SAMD12: variants seen among roughly 807,000 people sequenced by gnomAD.
SAMD12 encodes sterile alpha motif domain-containing protein 12.
Under a neutral mutation model 15.0 loss-of-function variants are expected in SAMD12, and 9 were observed. That is an observed-to-expected ratio of 0.60 (90% CI 0.36 to 1.05). The LOEUF (loss-of-function observed/expected upper bound fraction) is 1.05. Among genes scored for constraint, SAMD12 ranks in the 50% least tolerant of loss-of-function variants. SAMD12 has a pLI of 0.01. For missense variants in SAMD12, 230 were observed against 234.2 expected, an observed-to-expected ratio of 0.98 and a Z score of 0.12; for synonymous variants, 86 against 90.1, an observed-to-expected ratio of 0.96 and a Z score of 0.25.
At chr8:118,188,774 A>AT (rs34305004), downstream of SAMD12, among the ~76,000 whole-genome samples, 15,207 of 149,934 alleles carry the variant, frequency 0.1, 1,564 homozygotes, top group African/African-American at 0.26. Flanking sequence ...TATTCAGGGG[A>AT]TTTTTTTTTT....
intron 4 of SAMD12, among the ~76,000 whole-genome samples, chr8:118,283,649 G>A (rs1030607000): frequency 6.6e-6 from 1 of 152,252 alleles, no homozygotes; most frequent in African/African-American, 2.4e-5. Flanking sequence ...CCAGGGAAGG[G>A]AGATCCATCC....
intron 4 of SAMD12, among the ~76,000 whole-genome samples, chr8:118,207,039 T>C (rs992992868): frequency 6.6e-6 from 1 of 152,226 alleles, no homozygotes; most frequent in African/African-American, 2.4e-5. Context: ...TTTTCAAGTA[T>C]GGGCAGAATT....
chr8:118,162,312 C>A, the SAMD12 span, among the ~76,000 whole-genome samples: 6 of 148,980 alleles, frequency 4.0e-5, no homozygotes, highest in African/African-American at 1.2e-4. Context: ...AAATTACATA[C>A]TTTAAGTGCA....
the SAMD12 span, among the ~76,000 whole-genome samples, chr8:118,151,178 T>C: frequency 6.6e-6 from 1 of 152,172 alleles, no homozygotes; most frequent in African/African-American, 2.4e-5. Context: ...GTATGAGTCT[T>C]TTTTTTCTCT....
chr8:118,291,669 G>C (rs1048236388), intron 4 of SAMD12, among the ~76,000 whole-genome samples: 7 of 151,644 alleles, frequency 4.6e-5, no homozygotes, highest in Non-Finnish European at 7.4e-5. Context: ...TTATTATTTA[G>C]TTCGCAGAAA....
chr8:118,142,057 T>G, the SAMD12 span, among the ~76,000 whole-genome samples: 22,080 of 152,136 alleles, frequency 0.15, 1,731 homozygotes, highest in African/African-American at 0.2. Context: ...TGGCCCCAAC[T>G]AGAGATTCTC....
chr8:118,163,692 G>A, the SAMD12 span, among the ~76,000 whole-genome samples: 2 of 151,966 alleles, frequency 1.3e-5, no homozygotes, highest in African/African-American at 2.4e-5. Flanking sequence ...TGGCTAACAC[G>A]GTGAAACCCC....
chr8:118,220,789 C>T (rs1383781849), intron 4 of SAMD12, among the ~76,000 whole-genome samples: 1 of 152,122 alleles, frequency 6.6e-6, no homozygotes, highest in African/African-American at 2.4e-5. Context: ...AAATAAAAAA[C>T]AAACACATCA....
At chr8:118,415,273 AT>A (rs1317323265) in intron 3 of SAMD12, among the ~76,000 whole-genome samples, 1 of 152,180 alleles carries the variant, frequency 6.6e-6, no homozygotes, top group African/African-American at 2.4e-5. Flanking sequence ...TTACAAAAGT[AT>A]TTTTTGCTTC....
At chr8:118,176,851 T>C in the SAMD12 span, among the ~76,000 whole-genome samples, 1 of 152,206 alleles carries the variant, frequency 6.6e-6, no homozygotes, top group Non-Finnish European at 1.5e-5. Flanking sequence ...GTATTTAACA[T>C]GGAATGAAAT....
the SAMD12 span, among the ~76,000 whole-genome samples, chr8:118,180,771 A>AAAATCCTG: frequency 5.6e-3 from 850 of 152,252 alleles, 6 homozygotes; most frequent in Middle Eastern, 0.01. Context: ...CAAGTTGCCC[A>AAAATCCTG]GACTTGCTCA....
intron 4 of SAMD12, among the ~76,000 whole-genome samples, chr8:118,281,075 T>C (rs992297675): frequency 1.3e-5 from 2 of 150,402 alleles, no homozygotes; most frequent in Non-Finnish European, 3.0e-5. Context: ...CAGCTAGTTG[T>C]ACTAGCAAGG....
the SAMD12 span, among the ~76,000 whole-genome samples, chr8:118,162,773 T>TGGAGACAATGGTTGGTAAATTATGA: frequency 2.0e-5 from 3 of 151,928 alleles, no homozygotes; most frequent in African/African-American, 7.3e-5. Flanking sequence ...AGAGTGAAAA[T>TGGAGACAATGGTTGGTAAATTATGA]GGAGACAATG....
intron 4 of SAMD12, among the ~76,000 whole-genome samples, chr8:118,317,505 T>G (rs1362579434): frequency 6.6e-6 from 1 of 152,188 alleles, no homozygotes; most frequent in Non-Finnish European, 1.5e-5. Flanking sequence ...ATGAAAATGT[T>G]GAAGAAGGTA....
At chr8:118,263,301 A>G (rs1327895042) in intron 4 of SAMD12, among the ~76,000 whole-genome samples, 2 of 152,142 alleles carry the variant, frequency 1.3e-5, no homozygotes, top group African/African-American at 4.8e-5. Context: ...GGACACATAA[A>G]AACAATAACA....
chr8:118,544,345 G>T (rs1826066565), intron 2 of SAMD12, among the ~76,000 whole-genome samples: 1 of 152,162 alleles, frequency 6.6e-6, no homozygotes, highest in East Asian at 1.9e-4. Context: ...AAGGATTGAA[G>T]GATGCACAAT....
intron 4 of SAMD12, among the ~76,000 whole-genome samples, chr8:118,228,131 A>G (rs1017009310): frequency 2.0e-5 from 3 of 152,240 alleles, no homozygotes; most frequent in Non-Finnish European, 4.4e-5. Flanking sequence ...TATAAAAATC[A>G]ACTCAAGATG....
At chr8:118,212,266 C>T (rs1811851872) in intron 4 of SAMD12, among the ~76,000 whole-genome samples, 1 of 151,994 alleles carries the variant, frequency 6.6e-6, no homozygotes, top group South Asian at 2.1e-4. Flanking sequence ...TCCCAAGTGG[C>T]TGGGACTACA....
chr8:118,351,423 T>G (rs1168690862), intron 4 of SAMD12, among the ~76,000 whole-genome samples: 1 of 152,100 alleles, frequency 6.6e-6, no homozygotes, highest in South Asian at 2.1e-4. Flanking sequence ...TACTGGAAAG[T>G]GAGGCTAGGA....
Sources: gnomAD v4.1 joint callset for allele counts (sites outside exome capture counted in the v4.1 genomes callset) on GRCh38, gnomAD v4.1.1 for gene constraint, MANE v1.5 for transcripts, NCBI Gene and HGNC (gene_info 2026-07-23, HGNC 2026-07-21) for gene names.